ISG20: variants seen among roughly 807,000 people sequenced by gnomAD.
ISG20 encodes the protein interferon-stimulated gene 20 kDa protein.
Under a neutral mutation model 11.1 loss-of-function variants are expected in ISG20, and 8 were observed. The observed-to-expected ratio is 0.72, with a 90% CI of 0.42 to 1.30. The LOEUF is 1.30. Among genes scored for constraint, ISG20 ranks in the 50% most tolerant of loss-of-function variants. The pLI, the probability that ISG20 is intolerant of heterozygous loss-of-function variation, is 0.01. For synonymous variants in ISG20, 110 were observed against 101.7 expected (o/e 1.08, Z -0.49); for missense variants, 243 against 250.2 (o/e 0.97, Z 0.19).
At chr15:88,645,960 T>C (rs2058165593) in intron 2 of ISG20, among the ~76,000 whole-genome samples, 1 of 152,260 alleles carries the variant, frequency 6.6e-6, no homozygotes. Context: ...GGGATTGAAG[T>C]TGAACTGATT....
rs757204383 is a variant in ISG20, at chr15:88,639,944, G to A, written c.228+350G>A. ...CCACTGGTGAGACCTGTGGGGAAAT[G>A]AGAGGATTCTTGGCTGAGGCTCTGG... On this transcript the variant is annotated intron_variant, in intron 2 of 3. Transcript: ENST00000306072. The surrounding 1 kb of genome is among the most constrained non-coding windows in gnomAD (Gnocchi z 4.2). Among the ~76,000 whole-genome samples, 8 of 152,218 alleles carry A rather than the reference G, an allele frequency of 5.3e-5. 1 individual carries two copies. Among genetic ancestry groups the A allele is most frequent in the Admixed American group, 1.3e-4 (2 of 15,286 alleles).
At chr15:88,644,711 T>A (rs527405009) in intron 2 of ISG20, among the ~76,000 whole-genome samples, 1 of 150,828 alleles carries the variant, frequency 6.6e-6, no homozygotes, top group South Asian at 2.1e-4. Flanking sequence ...GAGGTGGGAG[T>A]CTGTTCAGGT....
At chr15:88,654,489 C>T (rs1361260731) in intron 3 of ISG20, among the ~76,000 whole-genome samples, 2 of 152,346 alleles carry the variant, frequency 1.3e-5, no homozygotes, top group South Asian at 2.1e-4. Flanking sequence ...AGTCCTCTCT[C>T]GACAGAGGGA....
In ISG20 at chr15:88,639,739, C is replaced by G. The variant is rs913189787; in HGVS notation, c.228+145C>G. Reference sequence around the variant, plus strand: ...TGTTGGGAGAAAGCCGGTGGTGTCTCCATCACATCCTGGAGAAGGCTTCCT... The same window carrying G: ...TGTTGGGAGAAAGCCGGTGGTGTCTGCATCACATCCTGGAGAAGGCTTCCT... On this transcript the variant is annotated intron_variant, in intron 2 of 3. Transcript: ENST00000306072. This position sits in a 1 kb window ranked among gnomAD's most constrained non-coding sequence, Gnocchi z 4.2. 4.6e-6 allele frequency: 3 copies of G among 656,048 alleles called. No homozygotes were observed. Among genetic ancestry groups the G allele is most frequent in the Non-Finnish European group, 7.9e-6 (3 of 381,266 alleles). The allele number at this position is 656,048 out of a possible 1,614,324, so 40.6% of individuals were successfully genotyped here.
In ISG20 at chr15:88,639,215, C is replaced by A; in HGVS notation, c.-24-128C>A. 1 of 626,498 alleles carries A rather than the reference C, an allele frequency of 1.6e-6. No homozygotes were observed. The highest frequency in any genetic ancestry group is 2.7e-5 in the East Asian group (1 of 36,520). 38.8% of individuals were successfully genotyped at this position (626,498 alleles called of 1,614,324 possible). Reference sequence around the variant, plus strand: ...GATGGGGGAGGCAAGAGGCCAGCTTCCACTGTGGCCAGGTGGTGTCGGAAA... The same window carrying A: ...GATGGGGGAGGCAAGAGGCCAGCTTACACTGTGGCCAGGTGGTGTCGGAAA... On this transcript the variant is annotated intron_variant, in intron 1 of 3. Coordinates refer to ENST00000306072, the MANE Select transcript of ISG20 (RefSeq NM_002201.6). The surrounding 1 kb of genome is among the most constrained non-coding windows in gnomAD (Gnocchi z 4.2).
upstream of ISG20, among the ~76,000 whole-genome samples, chr15:88,636,720 G>C (rs1278076773): frequency 2.6e-5 from 4 of 152,166 alleles, no homozygotes; most frequent in Admixed American, 2.6e-4. Flanking sequence ...TAATTTTAGA[G>C]ATGAGATCTC....
In ISG20 at chr15:88,655,369, G is replaced by A. The variant is rs751955534; in HGVS notation, c.430-46G>A. 3 of 1,565,066 alleles carry A rather than the reference G, an allele frequency of 1.9e-6. No individual in the cohort carries two copies. In the South Asian group the frequency reaches 3.3e-5, roughly 17 times the overall value. Reference sequence around the variant, plus strand: ...GGGAAGACCCTGTCACGGGGCCTCTGAATTCAGCCTCATCCCAAGTCCCCA... The same window carrying A: ...GGGAAGACCCTGTCACGGGGCCTCTAAATTCAGCCTCATCCCAAGTCCCCA... On this transcript the variant is annotated intron_variant, in intron 3 of 3. Coordinates refer to ENST00000306072, the MANE Select transcript of ISG20 (RefSeq NM_002201.6).
chr15:88,650,060 C>T lies in ISG20; in HGVS notation c.229-2050C>T. 1.7e-6 allele frequency: 1 copy of T among 598,296 alleles called. No homozygotes were observed. The highest frequency in any genetic ancestry group is 3.0e-6 in the Non-Finnish European group (1 of 334,306). The allele number at this position is 598,296 out of a possible 1,614,324, so 37.1% of individuals were successfully genotyped here. On this transcript the variant is annotated intron_variant, in intron 2 of 3. Transcript: ENST00000306072. This position sits in a 1 kb window ranked among gnomAD's most constrained non-coding sequence, Gnocchi z 4.0. The stretch of plus-strand genomic sequence containing the variant: ...GCCGCTGGCTATCTAGAAGGAGAAG[C>T]AGGCTACGGGGAAGGTGTTAGGCAC...
chr15:88,638,502 G>A (rs984465343), upstream of ISG20, among the ~76,000 whole-genome samples: 1 of 152,146 alleles, frequency 6.6e-6, no homozygotes, highest in Admixed American at 6.5e-5. Flanking sequence ...GGGCTCCCTC[G>A]CTGCTCCTTG....
chr15:88,644,399 G>A (rs1250615435), intron 2 of ISG20, among the ~76,000 whole-genome samples: 1 of 151,992 alleles, frequency 6.6e-6, no homozygotes, highest in Non-Finnish European at 1.5e-5. Flanking sequence ...TGGGCATGGT[G>A]GCATGTGCCT....
At chr15:88,647,441 C>T (rs1374314239) in intron 2 of ISG20, 2 of 152,164 alleles carry the variant, frequency 1.3e-5, no homozygotes, top group African/African-American at 4.8e-5. Flanking sequence ...TCACAATGCC[C>T]AGGGCAGCTC....
At position 88,650,273 on chromosome 15, in the gene ISG20, GC is replaced by G. The variant is rs1427938813; in HGVS notation, c.229-1836del. The G allele has an allele frequency of 1.6e-5, 25 of 1,535,586 alleles. No individual in the cohort carries two copies. Among genetic ancestry groups the G allele is most frequent in the Non-Finnish European group, 2.1e-5 (24 of 1,146,906 alleles). On this transcript the variant is annotated intron_variant, in intron 2 of 3. Transcript: ENST00000306072. The surrounding 1 kb of genome is among the most constrained non-coding windows in gnomAD (Gnocchi z 4.0). ...CCTCTCCAACGGCAGCTGAGTGAAA[GC>G]AAGCTGACTGGCCTGTGTGACCAGA...
chr15:88,640,793 A>G (rs1369900803), intron 2 of ISG20, among the ~76,000 whole-genome samples: 1 of 151,812 alleles, frequency 6.6e-6, no homozygotes, highest in African/African-American at 2.4e-5. Context: ...GAGAAACCCC[A>G]TCTCTACAAA....
chr15:88,644,907 G>A (rs28570261), intron 2 of ISG20, among the ~76,000 whole-genome samples: 1 of 152,034 alleles, frequency 6.6e-6, no homozygotes, highest in African/African-American at 2.4e-5. Flanking sequence ...GTACCTCTCC[G>A]AGTCCCTGTA....
Position 88,651,070 on chromosome 15 carries a change from G to A in ISG20, c.229-1040G>A, listed in dbSNP as rs1020355224. 28 of 385,844 alleles carry A rather than the reference G, an allele frequency of 7.3e-5. No individual in the cohort carries two copies. In the East Asian group the frequency reaches 1.6e-3, roughly 22 times the overall value. The allele number at this position is 385,844 out of a possible 1,614,324, so 23.9% of individuals were successfully genotyped here. ...GAGACACCGTGCCTGGCTGGTGGCCGGACTTCTTATAGAATTGCGGTCCCA... is the reference window on the plus strand; with the variant it reads ...GAGACACCGTGCCTGGCTGGTGGCCAGACTTCTTATAGAATTGCGGTCCCA... On this transcript the variant is annotated intron_variant, in intron 2 of 3. Transcript: ENST00000306072.
chr15:88,653,875 C>T (rs1025886758), intron 3 of ISG20, among the ~76,000 whole-genome samples: 20 of 152,312 alleles, frequency 1.3e-4, no homozygotes, highest in Admixed American at 1.2e-3. Flanking sequence ...TGCCAAGCTG[C>T]GCGCATGGTA....
chr15:88,650,439 A>G lies in ISG20; in HGVS notation c.229-1671A>G. On this transcript the variant is annotated intron_variant, in intron 2 of 3. Coordinates refer to ENST00000306072, the MANE Select transcript of ISG20 (RefSeq NM_002201.6). The surrounding 1 kb of genome is among the most constrained non-coding windows in gnomAD (Gnocchi z 4.0). ...TGTGGCAGTGGCAGGCGGGCTCTGGATTCATCCCACTGGCTTCAAGGCCTG... is the reference window on the plus strand; with the variant it reads ...TGTGGCAGTGGCAGGCGGGCTCTGGGTTCATCCCACTGGCTTCAAGGCCTG... 6.8e-7 allele frequency: 1 copy of G among 1,476,738 alleles called. No homozygotes were observed. The highest frequency in any genetic ancestry group is 9.0e-7 in the Non-Finnish European group (1 of 1,117,000). 91.5% of individuals were successfully genotyped at this position (1,476,738 alleles called of 1,614,324 possible). A position where few individuals can be genotyped will look rare whatever the true frequency, so the allele number is the denominator to read the frequency against.
intron 2 of ISG20, 62 bp from the exon 3 acceptor site, chr15:88,652,048 G>A (rs1392867786): frequency 6.2e-7 from 1 of 1,605,996 alleles, no homozygotes; most frequent in Non-Finnish European, 8.5e-7. Flanking sequence ...TCCCTTGCCA[G>A]CCCCAGCCCC....
chr15:88,651,978 G>A lies in ISG20; in HGVS notation c.229-132G>A. The A allele has an allele frequency of 2.7e-6, 4 of 1,484,142 alleles. No individual in the cohort carries two copies. The South Asian group carries it at 4.1e-5, about 15-fold the overall frequency. The allele number at this position is 1,484,142 out of a possible 1,614,324, so 91.9% of individuals were successfully genotyped here. A position where few individuals can be genotyped will look rare whatever the true frequency, so the allele number is the denominator to read the frequency against. ...TCTTCTTTTCAAAGATGATACATTTGAAGCCCAGGGAGGACTGATAATTTG... is the reference window on the plus strand; with the variant it reads ...TCTTCTTTTCAAAGATGATACATTTAAAGCCCAGGGAGGACTGATAATTTG... On this transcript the variant is annotated intron_variant, in intron 2 of 3. Transcript: ENST00000306072.
Sources: allele counts gnomAD v4.1 joint callset (sites outside exome capture counted in the v4.1 genomes callset), GRCh38; gene constraint gnomAD v4.1.1; non-coding constraint Gnocchi (gnomAD v3.1); transcripts MANE v1.5; gene names NCBI Gene and HGNC (gene_info 2026-07-23, HGNC 2026-07-21).